The following MYO15B variants were observed in gnomAD, a reference collection of about 807,000 sequenced individuals.
MYO15B encodes myosin XVB pseudogene.
In MYO15B, 207 loss-of-function variants were observed where a neutral mutation model predicts 119.3. That is an observed-to-expected ratio of 1.73 (90% confidence interval 1.55 to 1.95). The LOEUF is 1.95. Ranked by LOEUF, MYO15B falls within the 30% of genes most tolerant of loss-of-function variation. The pLI is 0.00. For missense variants in MYO15B, 2,264 were observed against 1,203.1 expected (o/e 1.88, Z -13.04); for synonymous variants, 966 against 498.9 (o/e 1.94, Z -12.48).
In MYO15B at chr17:75,603,095, T is replaced by G. The variant is rs1430209339; in HGVS notation, c.3891+18T>G. 1 of 703,318 alleles carries G rather than the reference T, an allele frequency of 1.4e-6. No individual in the cohort carries two copies. The highest frequency in any genetic ancestry group is 2.6e-6 in the Non-Finnish European group (1 of 385,062). 43.6% of individuals were successfully genotyped at this position (703,318 alleles called of 1,614,324 possible). On this transcript the variant is annotated intron_variant, in intron 18 of 63. Coordinates refer to ENST00000645453, the Ensembl canonical transcript of MYO15B. ...CTGGAAAGGTGAGCTCCCCAGCAAC[T>G]GGCCTCAGGGCCCTCCCCCTCCCTG...
At chr17:75,602,225 T>G in intron 15 of MYO15B, 2 of 496,116 alleles carry the variant, frequency 4.0e-6, no homozygotes, top group Non-Finnish European at 7.3e-6. Flanking sequence ...TCAAAATAGA[T>G]TTAATATGGA....
chr17:75,592,491 C>A, exon 8 of MYO15B: 1 of 608,782 alleles, frequency 1.6e-6, no homozygotes, highest in Non-Finnish European at 2.9e-6. Context: ...CTCCATAGAG[C>A]GGGAGCGGCT....
chr17:75,623,427 G>A (rs140968057), intron 53 of MYO15B, among the ~76,000 whole-genome samples: 3 of 152,272 alleles, frequency 2.0e-5, no homozygotes, highest in Admixed American at 6.5e-5. Flanking sequence ...TCAGGAGTTC[G>A]AGATTAAACC....
chr17:75,600,611 G>GGCTTTTTTTTT (rs2057210177), intron 14 of MYO15B: 1 of 135,796 alleles, frequency 7.4e-6, no homozygotes, highest in Non-Finnish European at 1.6e-5. Context: ...TTGAGACGGA[G>GGCTTTTTTTTT]TTTGGTTCTT....
At position 75,589,946 on chromosome 17, in the gene MYO15B, A is replaced by G; in HGVS notation, c.1889A>G (p.Asn630Ser). 5.0e-6 allele frequency: 2 copies of G among 398,626 alleles called. No homozygotes were observed. Among genetic ancestry groups the G allele is most frequent in the Non-Finnish European group, 8.9e-6 (2 of 225,972 alleles). 24.7% of individuals were successfully genotyped at this position (398,626 alleles called of 1,614,324 possible). A position where few individuals can be genotyped will look rare whatever the true frequency, so the allele number is the denominator to read the frequency against. ...AGTGAGGCGGAGTTGGAGACCCTCA[A>G]TGACGAGCCCCCGGTGCGCTGGGCG... Residue 630 changes from asparagine (N) to serine (S), a missense_variant, in exon 1 of 64, where the codon AAT becomes AGT. Transcript: ENST00000645453. This position sits in a 1 kb window ranked among gnomAD's most constrained non-coding sequence, Gnocchi z 4.2.
In MYO15B at chr17:75,615,826, C is replaced by CT. The variant is rs1598878130; in HGVS notation, c.5972_5973insT (p.Thr1993HisfsTer9). The CT allele has an allele frequency of 1.4e-6, 1 of 702,434 alleles. No individual in the cohort carries two copies. The highest frequency in any genetic ancestry group is 2.6e-6 in the Non-Finnish European group (1 of 384,816). The allele number at this position is 702,434 out of a possible 1,614,324, so 43.5% of individuals were successfully genotyped here. A position where few individuals can be genotyped will look rare whatever the true frequency, so the allele number is the denominator to read the frequency against. ...GCCGTCACCTCCAAGCCCAGGAAGC[C>CT]CCCCACACCCCCGGAGAAGCCACAG... On this transcript the variant is annotated frameshift_variant, in exon 36 of 64. Coordinates refer to ENST00000645453, the Ensembl canonical transcript of MYO15B. LOFTEE classifies it high-confidence loss of function.
exon 46 of MYO15B, chr17:75,619,782 G>A (rs1255760006): frequency 2.8e-6 from 2 of 702,908 alleles, no homozygotes; most frequent in Admixed American, 2.0e-5. Flanking sequence ...ACCAGCTGAA[G>A]ATTCTCTGCT....
intron 53 of MYO15B, 117 bp downstream of exon 53, chr17:75,622,197 C>T: frequency 3.1e-6 from 2 of 654,196 alleles, no homozygotes; most frequent in Non-Finnish European, 2.8e-6. Context: ...TTACTGAGCA[C>T]CCATTGCGTG....
chr17:75,588,192 G>T (rs1394254864), exon 1 of MYO15B: 12 of 397,934 alleles, frequency 3.0e-5, no homozygotes, highest in Admixed American at 1.8e-4. Flanking sequence ...GCGGGCAGGC[G>T]GACAGGGCGA....
chr17:75,621,394 G>A, exon 51 of MYO15B: 1 of 701,274 alleles, frequency 1.4e-6, no homozygotes, highest in Non-Finnish European at 2.6e-6. Context: ...GGACAGCCTG[G>A]TGCAGTACAC....
chr17:75,613,997 C>T (rs1001546736), intron 29 of MYO15B: 2 of 599,088 alleles, frequency 3.3e-6, no homozygotes, highest in Non-Finnish European at 6.0e-6. Flanking sequence ...AAAGAAATGC[C>T]CATGCTGGAG....
At chr17:75,606,276 A>G (rs1036730508) in intron 21 of MYO15B, among the ~76,000 whole-genome samples, 5 of 151,226 alleles carry the variant, frequency 3.3e-5, no homozygotes, top group African/African-American at 1.2e-4. Context: ...CTCCTTTATC[A>G]TTCTCTTTTC....
rs1041004984 is a variant in MYO15B, at chr17:75,588,738, G to A, written c.681G>A (p.Thr227=). Residue 227 remains threonine (T), a synonymous_variant, in exon 1 of 64, where the codon ACG becomes ACA. Transcript: ENST00000645453. ...GGGGCCGGGAAGGGTCGTCGGGGAC[G>A]GGGCCCCTGGGAGCCAGCGAGCATT... is the stretch of plus-strand genomic sequence containing the variant. 30 of 370,992 alleles carry A rather than the reference G, an allele frequency of 8.1e-5. No homozygotes were observed. In the Admixed American group the frequency reaches 1.3e-3, roughly 15 times the overall value. The allele number at this position is 370,992 out of a possible 1,614,324, so 23.0% of individuals were successfully genotyped here. A position where few individuals can be genotyped will look rare whatever the true frequency, so the allele number is the denominator to read the frequency against.
intron 14 of MYO15B, among the ~76,000 whole-genome samples, chr17:75,600,113 G>A (rs1240672627): frequency 4.5e-4 from 64 of 143,624 alleles, no homozygotes; most frequent in African/African-American, 1.7e-3. Flanking sequence ...TGCAAACTCC[G>A]CCTCTCGGGT....
At chr17:75,626,422 T>C (rs1224300679) in exon 64 of MYO15B, 3 of 703,104 alleles carry the variant, frequency 4.3e-6, no homozygotes, top group African/African-American at 3.5e-5. Context: ...GGAGCTGCTA[T>C]ACACCACTGT....
chr17:75,615,998 G>A, intron 36 of MYO15B, 71 bp from the exon 37 acceptor site: 1 of 590,476 alleles, frequency 1.7e-6, no homozygotes, highest in Non-Finnish European at 3.0e-6. Context: ...GCCCAGGACT[G>A]GGGACCCGAG....
intron 60 of MYO15B, 49 bp downstream of exon 60, chr17:75,625,287 C>A: frequency 1.5e-6 from 1 of 664,338 alleles, no homozygotes; most frequent in South Asian, 1.6e-5. Context: ...TCTCTAAGGT[C>A]AAGGCCATTT....
At chr17:75,606,628 C>G (rs1037815642) in intron 21 of MYO15B, among the ~76,000 whole-genome samples, 2 of 152,134 alleles carry the variant, frequency 1.3e-5, no homozygotes, top group Non-Finnish European at 2.9e-5. Flanking sequence ...CATATGCCAC[C>G]ACGCCTGGCT....
chr17:75,623,920 G>T (rs1228567537), intron 54 of MYO15B, 29 bp from the exon 55 acceptor site: 2 of 702,836 alleles, frequency 2.8e-6, no homozygotes, highest in Non-Finnish European at 5.2e-6. Flanking sequence ...GGCCTGGCCA[G>T]CCTGAAGCCC....
Sources: gnomAD v4.1 joint callset for allele counts (sites outside exome capture counted in the v4.1 genomes callset) on GRCh38, gnomAD v4.1.1 for gene constraint, Gnocchi (gnomAD v3.1) non-coding constraint, MANE v1.5 for transcripts, NCBI Gene and HGNC (gene_info 2026-07-23, HGNC 2026-07-21) for gene names.